Variants in CFAP44 observed in about 807,000 individuals in gnomAD.
CFAP44 encodes cilia and flagella associated protein 44.
Under a neutral mutation model 216.2 loss-of-function variants are expected in CFAP44, and 134 were observed. That is an observed-to-expected ratio of 0.62 (90% CI 0.54 to 0.72). The LOEUF (loss-of-function observed/expected upper bound fraction) is 0.72. Among genes scored for constraint, CFAP44 ranks in the 30% least tolerant of loss-of-function variants. CFAP44 has a pLI of 0.00. For missense variants in CFAP44, 2,035 were observed against 2,182.1 expected (o/e 0.93, Z 1.34); for synonymous variants, 700 against 727.6 (o/e 0.96, Z 0.61).
In CFAP44 at chr3:113,353,747, GGAGAGAGAGAACCAGAGTCA is replaced by G. The variant is rs377548017; in HGVS notation, c.3065+4978_3065+4997del. 9.0e-3 allele frequency among the ~76,000 whole-genome samples: 1,376 copies of G among 152,148 alleles called. 16 individuals carry two copies. The highest frequency in any genetic ancestry group is 0.03 in the African/African-American group (1,260 of 41,476). On this transcript the variant is annotated intron_variant, in intron 22 of 34. Transcript: ENST00000393845. Reference sequence around the variant, plus strand: ...AGACAGCTGCACGATAGAGACAGAGGGAGAGAGAGAACCAGAGTCAGAGAGAGAGAACCAGAGTCAGAGAG... The same window carrying G: ...AGACAGCTGCACGATAGAGACAGAGGGAGAGAGAGAACCAGAGTCAGAGAG...
intron 2 of CFAP44, among the ~76,000 whole-genome samples, chr3:113,431,087 A>G (rs1458313161): frequency 1.3e-5 from 2 of 152,016 alleles, no homozygotes; most frequent in African/African-American, 4.8e-5. Flanking sequence ...TGAGAATCCC[A>G]GAGTAAAAAC....
intron 15 of CFAP44, among the ~76,000 whole-genome samples, chr3:113,392,641 T>C (rs1191809994): frequency 1.3e-5 from 2 of 152,156 alleles, no homozygotes; most frequent in African/African-American, 4.8e-5. Context: ...TTATGCATTA[T>C]ATGCCTTATC....
intron 7 of CFAP44, 30 bp downstream of exon 7, chr3:113,409,076 A>T (rs1934377597): frequency 6.4e-7 from 1 of 1,558,048 alleles, no homozygotes; most frequent in African/African-American, 1.4e-5. Flanking sequence ...TGTGATATCT[A>T]CTGGCACCTC....
At chr3:113,323,806 G>T (rs1158479273) in intron 28 of CFAP44, among the ~76,000 whole-genome samples, 1 of 152,130 alleles carries the variant, frequency 6.6e-6, no homozygotes, top group African/African-American at 2.4e-5. Context: ...CACTTTGGGA[G>T]GCCAAGGCCG....
intron 22 of CFAP44, among the ~76,000 whole-genome samples, chr3:113,358,297 T>C (rs1427695652): frequency 6.6e-6 from 1 of 152,086 alleles, no homozygotes; most frequent in Non-Finnish European, 1.5e-5. Flanking sequence ...GATTTACGTA[T>C]TTTATGTAAA....
At position 113,291,488 on chromosome 3, in the gene CFAP44, G is replaced by A; in HGVS notation, c.*69C>T. The A allele has an allele frequency of 1.4e-6, 2 of 1,473,256 alleles. No individual in the cohort carries two copies. The highest frequency in any genetic ancestry group is 1.8e-6 in the Non-Finnish European group (2 of 1,100,498). The allele number at this position is 1,473,256 out of a possible 1,614,324, so 91.3% of individuals were successfully genotyped here. On this transcript the variant is annotated 3_prime_UTR_variant, in exon 35 of 35. Coordinates refer to ENST00000393845, the MANE Select transcript of CFAP44 (RefSeq NM_001164496.2). ...GTTTAAAGTAATAAGATTGTTGGAG[G>A]TGATGAGGAGACAGAACTTCCAGTG...
At chr3:113,319,354 T>C (rs1239308309) in intron 28 of CFAP44, among the ~76,000 whole-genome samples, 1 of 152,184 alleles carries the variant, frequency 6.6e-6, no homozygotes, top group South Asian at 2.1e-4. Flanking sequence ...CATCACATAA[T>C]GATAAAGAGT....
rs769802921 is a variant in CFAP44, at chr3:113,399,871, T to C, written c.1569+35A>G. 5 of 1,408,950 alleles carry C rather than the reference T, an allele frequency of 3.5e-6. 1 individual carries two copies. Among genetic ancestry groups the C allele is most frequent in the South Asian group, 2.7e-5 (2 of 73,684 alleles). The allele number at this position is 1,408,950 out of a possible 1,614,324, so 87.3% of individuals were successfully genotyped here. ...AGCATTGATATACCATATTTACCAATAGATTCTGGTAGTTCATTATAACAA... is the reference window on the plus strand; with the variant it reads ...AGCATTGATATACCATATTTACCAACAGATTCTGGTAGTTCATTATAACAA... On this transcript the variant is annotated intron_variant, in intron 13 of 34. Coordinates refer to ENST00000393845, the MANE Select transcript of CFAP44 (RefSeq NM_001164496.2).
chr3:113,323,959 G>A (rs759564874), intron 28 of CFAP44, among the ~76,000 whole-genome samples: 36 of 150,908 alleles, frequency 2.4e-4, no homozygotes, highest in Admixed American at 7.9e-4. Flanking sequence ...CAGGAGAATC[G>A]CTTGAACCTA....
intron 32 of CFAP44, 83 bp downstream of exon 32, chr3:113,303,833 T>G (rs914197897): frequency 1.3e-5 from 19 of 1,415,056 alleles, no homozygotes; most frequent in Non-Finnish European, 1.8e-5. Context: ...AATTACTATT[T>G]TCACAGTTGG....
chr3:113,400,421 G>A (rs928952009), intron 12 of CFAP44, 124 bp downstream of exon 12: 2 of 743,974 alleles, frequency 2.7e-6, no homozygotes, highest in Non-Finnish European at 4.0e-6. Context: ...CAACTCGCTT[G>A]CATTCAAGAG....
intron 22 of CFAP44, among the ~76,000 whole-genome samples, chr3:113,358,453 T>C (rs998464689): frequency 6.6e-6 from 1 of 152,160 alleles, no homozygotes; most frequent in Non-Finnish European, 1.5e-5. Context: ...TACATACATG[T>C]TCATTAATTA....
At chr3:113,366,336 C>A in intron 18 of CFAP44, 27 bp from the exon 19 acceptor site, 2 of 1,583,976 alleles carry the variant, frequency 1.3e-6, no homozygotes, top group South Asian at 2.3e-5. Flanking sequence ...GTAAATTGTT[C>A]TTCCCATTAA....
intron 23 of CFAP44, among the ~76,000 whole-genome samples, chr3:113,342,896 A>T (rs1409956960): frequency 6.6e-6 from 1 of 151,788 alleles, no homozygotes. Context: ...AAGTACCAGA[A>T]TTGCTTGAAC....
At chr3:113,405,260 G>A (rs72944571) in intron 8 of CFAP44, among the ~76,000 whole-genome samples, 1,861 of 152,190 alleles carry the variant, frequency 0.012, 30 homozygotes, top group African/African-American at 0.042. Context: ...GCCATTTATG[G>A]TAGAGTCTTT....
At chr3:113,401,401 A>G in intron 10 of CFAP44, 114 bp from the exon 11 acceptor site, 1 of 1,200,762 alleles carries the variant, frequency 8.3e-7, no homozygotes, top group Non-Finnish European at 1.2e-6. Flanking sequence ...AAAAGCTCAC[A>G]TATATTTTAA....
intron 17 of CFAP44, among the ~76,000 whole-genome samples, chr3:113,378,336 G>A (rs891879250): frequency 6.6e-6 from 1 of 152,104 alleles, no homozygotes; most frequent in Non-Finnish European, 1.5e-5. Flanking sequence ...ATAAAACACA[G>A]ACGACAGGCA....
At chr3:113,332,612 A>T (rs897902301) in intron 25 of CFAP44, among the ~76,000 whole-genome samples, 17 of 152,222 alleles carry the variant, frequency 1.1e-4, no homozygotes, top group Admixed American at 3.3e-4. Context: ...GCCTTTAAGT[A>T]TAAAAAGTCA....
chr3:113,394,765 A>C (rs1457209942), intron 15 of CFAP44, among the ~76,000 whole-genome samples: 1 of 152,228 alleles, frequency 6.6e-6, no homozygotes, highest in Non-Finnish European at 1.5e-5. Context: ...GTTTTAAGAA[A>C]GTTTATGAAT....
Sources: allele counts gnomAD v4.1 joint callset (sites outside exome capture counted in the v4.1 genomes callset), GRCh38; gene constraint gnomAD v4.1.1; transcripts MANE v1.5; gene names NCBI Gene and HGNC (gene_info 2026-07-23, HGNC 2026-07-21).